The following MDGA2 variants were observed in gnomAD, a reference collection of about 807,000 sequenced individuals.
MDGA2 encodes MAM domain containing glycosylphosphatidylinositol anchor 2.
In MDGA2, 40 loss-of-function variants were observed where a neutral mutation model predicts 117.8. That is an observed-to-expected ratio of 0.34 (90% CI 0.26 to 0.44). The LOEUF is 0.44. Among genes scored for constraint, MDGA2 ranks in the 20% least tolerant of loss-of-function variants. The pLI, the probability that MDGA2 is intolerant of heterozygous loss-of-function variation, is 1.00. For synonymous variants in MDGA2, 452 were observed against 439.0 expected (o/e 1.03, Z -0.37); for missense variants, 1,123 against 1,250.6 (o/e 0.90, Z 1.54).
intron 10 of MDGA2, among the ~76,000 whole-genome samples, chr14:46,890,561 T>A (rs908209075): frequency 1.3e-5 from 2 of 152,054 alleles, no homozygotes; most frequent in African/African-American, 4.8e-5. Flanking sequence ...AAGACAGCAT[T>A]GAATGTGTCC....
intron 2 of MDGA2, among the ~76,000 whole-genome samples, chr14:47,268,230 A>C (rs1478392905): frequency 6.6e-6 from 1 of 151,826 alleles, no homozygotes; most frequent in African/African-American, 2.4e-5. Flanking sequence ...GTGCCACTGC[A>C]CCTGGCTAAT....
Position 47,451,344 on chromosome 14 carries a change from T to C in MDGA2, c.281-149794A>G, listed in dbSNP as rs138203380. 2.1e-5 allele frequency among the ~76,000 whole-genome samples: 3 copies of C among 143,674 alleles called. No homozygotes were observed. The East Asian group carries it at 6.3e-4, about 30-fold the overall frequency. The allele number at this position is 143,674 out of a possible 152,430, so 94.3% of individuals were successfully genotyped here. ...TGAAGTGATCATAAATAGATTTGAA[T>C]GGAAAAGAATGTTTTGATTTTTTTT... On this transcript the variant is annotated intron_variant, in intron 1 of 16. Coordinates refer to ENST00000399232, the MANE Select transcript of MDGA2 (RefSeq NM_001113498.3).
At chr14:47,038,928 C>A (rs1029286825) in intron 7 of MDGA2, among the ~76,000 whole-genome samples, 14 of 147,454 alleles carry the variant, frequency 9.5e-5, no homozygotes, top group Non-Finnish European at 2.1e-4. Context: ...CCAGCCTGGG[C>A]AACGGAGTGA....
chr14:47,620,881 G>A (rs73264303), intron 1 of MDGA2, among the ~76,000 whole-genome samples: 4,146 of 152,180 alleles, frequency 0.027, 114 homozygotes, highest in African/African-American at 0.071. Context: ...ATTAAGACAA[G>A]GTAAAGCATG....
At chr14:47,010,086 T>C (rs1887845508) in intron 8 of MDGA2, among the ~76,000 whole-genome samples, 1 of 152,078 alleles carries the variant, frequency 6.6e-6, no homozygotes, top group Non-Finnish European at 1.5e-5. Context: ...TTAATGATCT[T>C]GTAACATCAA....
intron 1 of MDGA2, among the ~76,000 whole-genome samples, chr14:47,421,418 T>C (rs150863786): frequency 1.0e-3 from 154 of 152,312 alleles, no homozygotes; most frequent in African/African-American, 3.4e-3. Context: ...CTATGGTTCA[T>C]GTTTTCAGAA....
chr14:47,298,669 C>T, intron 2 of MDGA2, among the ~76,000 whole-genome samples: 1 of 148,240 alleles, frequency 6.7e-6, no homozygotes, highest in East Asian at 2.0e-4. Context: ...AATGAAGAGG[C>T]CCACTTAATT....
intron 2 of MDGA2, among the ~76,000 whole-genome samples, chr14:47,291,782 AC>A (rs1220677775): frequency 1.3e-5 from 2 of 152,160 alleles, no homozygotes; most frequent in Admixed American, 1.3e-4. Context: ...AATGCTTATG[AC>A]TTTTGCACCA....
At chr14:47,438,739 A>G (rs10467789) in intron 1 of MDGA2, among the ~76,000 whole-genome samples, 98 of 152,268 alleles carry the variant, frequency 6.4e-4, no homozygotes, top group Non-Finnish European at 1.2e-3. Context: ...AGCATGGGCC[A>G]GGGTTTATTT....
At chr14:47,356,139 G>C (rs1890988656) in intron 1 of MDGA2, among the ~76,000 whole-genome samples, 2 of 152,114 alleles carry the variant, frequency 1.3e-5, no homozygotes, top group Non-Finnish European at 2.9e-5. Flanking sequence ...TCACTCACGA[G>C]AGAAGAAAGC....
rs144266571 is a variant in MDGA2, at chr14:47,068,855, T to C, written c.1196-7277A>G. On this transcript the variant is annotated intron_variant, in intron 6 of 16. Coordinates refer to ENST00000399232, the MANE Select transcript of MDGA2 (RefSeq NM_001113498.3). ...ATGAGATAATGAGACTAACTTAATC[T>C]AAAATCTTTCGTTACCTTTCTTGAG... Among the ~76,000 whole-genome samples, 38 of 152,314 alleles carry C rather than the reference T, an allele frequency of 2.5e-4. No individual in the cohort carries two copies. In the East Asian group the frequency reaches 4.0e-3, roughly 16 times the overall value.
rs893690539 is a variant in MDGA2, at chr14:47,177,827, A to T, written c.596-33553T>A. Reference sequence around the variant, plus strand: ...AAATAAAATAAAAATTAAAAAGAAGAAATTTTATGTTAATTTATTATATGT... The same window carrying T: ...AAATAAAATAAAAATTAAAAAGAAGTAATTTTATGTTAATTTATTATATGT... On this transcript the variant is annotated intron_variant, in intron 3 of 16. Transcript: ENST00000399232. Among the ~76,000 whole-genome samples, 10 of 152,176 alleles carry T rather than the reference A, an allele frequency of 6.6e-5. No individual in the cohort carries two copies. The East Asian group carries it at 1.9e-3, about 29-fold the overall frequency.
chr14:46,846,136 TAAAA>T (rs143248470), intron 15 of MDGA2, among the ~76,000 whole-genome samples: 7,733 of 151,878 alleles, frequency 0.051, 652 homozygotes, highest in African/African-American at 0.18. Flanking sequence ...ATAATACAAT[TAAAA>T]AAAATGACTA....
intron 3 of MDGA2, among the ~76,000 whole-genome samples, chr14:47,201,547 A>T (rs960488604): frequency 6.6e-6 from 1 of 152,134 alleles, no homozygotes; most frequent in Non-Finnish European, 1.5e-5. Context: ...GGCATGTCCT[A>T]TGTTTCACAA....
intron 9 of MDGA2, among the ~76,000 whole-genome samples, chr14:46,956,927 T>G (rs78873050): frequency 0.016 from 2,414 of 152,210 alleles, 69 homozygotes; most frequent in African/African-American, 0.055. Context: ...CTTCACTCTC[T>G]CTCTCTTTGC....
intron 1 of MDGA2, among the ~76,000 whole-genome samples, chr14:47,405,133 T>C (rs951196625): frequency 2.0e-5 from 3 of 152,218 alleles, no homozygotes; most frequent in Non-Finnish European, 4.4e-5. Context: ...TATGCTTATG[T>C]AAAAATGATT....
rs548987034 is a variant in MDGA2, at chr14:46,987,100, A to G, written c.1820-29457T>C. 3.3e-5 allele frequency among the ~76,000 whole-genome samples: 5 copies of G among 152,216 alleles called. No individual in the cohort carries two copies. In the East Asian group the frequency reaches 9.6e-4, roughly 29 times the overall value. Reference sequence around the variant, plus strand: ...CAGTTCATGATAGTGACACTAAAACACGTAACATAGAATGTGCATTTACCT... The same window carrying G: ...CAGTTCATGATAGTGACACTAAAACGCGTAACATAGAATGTGCATTTACCT... On this transcript the variant is annotated intron_variant, in intron 8 of 16. Transcript: ENST00000399232.
In MDGA2 at chr14:47,172,347, A is replaced by G. The variant is rs370747675; in HGVS notation, c.596-28073T>C. 1.3e-4 allele frequency among the ~76,000 whole-genome samples: 20 copies of G among 152,104 alleles called. No homozygotes were observed. In the East Asian group the frequency reaches 1.9e-3, roughly 15 times the overall value. On this transcript the variant is annotated intron_variant, in intron 3 of 16. Coordinates refer to ENST00000399232, the MANE Select transcript of MDGA2 (RefSeq NM_001113498.3). ...CTCAGAACCGGCAAACTGCCTCCTC[A>G]AGTGGGTCCCTGACCCCTGACCCCC...
intron 1 of MDGA2, among the ~76,000 whole-genome samples, chr14:47,365,585 T>A (rs189707241): frequency 6.5e-4 from 99 of 152,324 alleles, no homozygotes; most frequent in African/African-American, 2.3e-3. Flanking sequence ...GATAAGGAAA[T>A]AATATTCTCA....
Sources: gnomAD v4.1 joint callset for allele counts (sites outside exome capture counted in the v4.1 genomes callset) on GRCh38, gnomAD v4.1.1 for gene constraint, MANE v1.5 for transcripts, NCBI Gene and HGNC (gene_info 2026-07-23, HGNC 2026-07-21) for gene names.